RAD18: variants seen among roughly 807,000 people sequenced by gnomAD.
RAD18 encodes the protein RAD18 E3 ubiquitin protein ligase.
In RAD18, 47 loss-of-function variants were observed where a neutral mutation model predicts 60.4. The observed-to-expected ratio is 0.78, with a 90% CI of 0.62 to 0.99. The LOEUF (loss-of-function observed/expected upper bound fraction) is 0.99, where lower values mean the gene tolerates loss of function less well. Among genes scored for constraint, RAD18 ranks in the 50% least tolerant of loss-of-function variants. The probability of loss-of-function intolerance (pLI) is 0.00; values close to 1 mark genes in which losing one functional copy is unlikely to be tolerated. For synonymous variants in RAD18, 225 were observed against 195.5 expected (o/e 1.15, Z -1.26); for missense variants, 640 against 593.3 (o/e 1.08, Z -0.82).
At chr3:8,942,973 T>C (rs919534157) in intron 4 of RAD18, among the ~76,000 whole-genome samples, 2 of 152,138 alleles carry the variant, frequency 1.3e-5, no homozygotes, top group African/African-American at 4.8e-5. Flanking sequence ...GACATTCAAG[T>C]GACACCCCAC....
At position 8,958,945 on chromosome 3, in the gene RAD18, C is replaced by G. The variant is rs563176968; in HGVS notation, c.108G>C (p.Met36Ile). ...GICFEYFNIA[M>I]IIPQCSHNYC... ...AGTTATGTGAACACTGAGGTATTAT[C>G]ATTGCAATGTTGAAATACTCGAAGC... The change falls in exon 2 of 13, where the codon ATG becomes ATC. Residue 36 changes from methionine (M) to isoleucine (I), a missense_variant. Physicochemically the swap from Met to Ile is conservative, Grantham distance 10. Coordinates refer to ENST00000264926, the MANE Select transcript of RAD18 (RefSeq NM_020165.4). 1.2e-6 allele frequency: 2 copies of G among 1,613,696 alleles called. No individual in the cohort carries two copies. The highest frequency in any genetic ancestry group is 2.2e-5 in the South Asian group (2 of 91,026).
chr3:8,918,986 T>C (rs1349626552), intron 7 of RAD18, among the ~76,000 whole-genome samples: 1 of 152,130 alleles, frequency 6.6e-6, no homozygotes, highest in African/African-American at 2.4e-5. Flanking sequence ...GAAGAGAATA[T>C]CAAAGAGAAG....
intron 7 of RAD18, among the ~76,000 whole-genome samples, chr3:8,922,645 G>T (rs1695292): frequency 6.6e-6 from 1 of 151,656 alleles, no homozygotes; most frequent in Non-Finnish European, 1.5e-5. Flanking sequence ...ACCCCAAGTA[G>T]CCTAACTGGG....
At chr3:8,946,167 T>C (rs1032578235) in intron 4 of RAD18, among the ~76,000 whole-genome samples, 2 of 152,082 alleles carry the variant, frequency 1.3e-5, no homozygotes, top group African/African-American at 4.8e-5. Context: ...AGATGTACCA[T>C]TTTTTATCTT....
At chr3:8,904,184 CCTT>C (rs1939963997) in intron 9 of RAD18, among the ~76,000 whole-genome samples, 1 of 152,158 alleles carries the variant, frequency 6.6e-6, no homozygotes. Context: ...TTCTTTGGCT[CCTT>C]CTTTGATCAC....
chr3:8,959,920 A>T (rs1229352051), intron 1 of RAD18, among the ~76,000 whole-genome samples: 1 of 151,694 alleles, frequency 6.6e-6, no homozygotes, highest in Non-Finnish European at 1.5e-5. Context: ...CATCATACTG[A>T]TATGAAAAGA....
At chr3:8,947,530 A>G (rs1940857631) in intron 3 of RAD18, among the ~76,000 whole-genome samples, 1 of 152,208 alleles carries the variant, frequency 6.6e-6, no homozygotes, top group African/African-American at 2.4e-5. Context: ...ATAATCATAT[A>G]TACTCTGTAC....
intron 1 of RAD18, 40 bp downstream of exon 1, chr3:8,963,295 G>C (rs1417327109): frequency 6.4e-7 from 1 of 1,571,374 alleles, no homozygotes. Flanking sequence ...ACCTCCCCCC[G>C]CAGACACCCG....
At chr3:8,890,495 T>C in intron 11 of RAD18, 44 bp from the exon 12 acceptor site, 1 of 1,394,502 alleles carries the variant, frequency 7.2e-7, no homozygotes, top group Non-Finnish European at 1.0e-6. Flanking sequence ...ACAAGAAGAC[T>C]GTATCGTCCC....
chr3:8,962,900 G>C (rs189942631), intron 1 of RAD18, among the ~76,000 whole-genome samples: 1 of 152,242 alleles, frequency 6.6e-6, no homozygotes, highest in East Asian at 1.9e-4. Context: ...AGAAATGAAA[G>C]AGCCTGTAAA....
chr3:8,945,031 A>T (rs1401412228), intron 4 of RAD18, among the ~76,000 whole-genome samples: 1 of 152,258 alleles, frequency 6.6e-6, no homozygotes, highest in African/African-American at 2.4e-5. Flanking sequence ...TTAAAAACAC[A>T]GTATGACAAC....
intron 8 of RAD18, 79 bp from the exon 9 acceptor site, chr3:8,912,451 C>T: frequency 2.0e-6 from 2 of 977,160 alleles, no homozygotes; most frequent in Non-Finnish European, 3.0e-6. Flanking sequence ...CTTCAAATCT[C>T]AAATGTGAGT....
intron 12 of RAD18, among the ~76,000 whole-genome samples, chr3:8,885,543 C>G (rs45566339): frequency 6.6e-6 from 1 of 152,116 alleles, no homozygotes; most frequent in African/African-American, 2.4e-5. Context: ...AAATTTACAA[C>G]TTTGGAAAGG....
intron 11 of RAD18, among the ~76,000 whole-genome samples, chr3:8,897,114 A>T (rs547954817): frequency 1.4e-4 from 21 of 152,346 alleles, no homozygotes; most frequent in Non-Finnish European, 2.8e-4. Flanking sequence ...TGCAAAGGAA[A>T]TTCTTTTTTT....
intron 5 of RAD18, among the ~76,000 whole-genome samples, 159 bp from the exon 6 acceptor site, chr3:8,939,812 G>A (rs1157532647): frequency 6.6e-6 from 1 of 152,206 alleles, no homozygotes; most frequent in East Asian, 1.9e-4. Flanking sequence ...CGGGACAACA[G>A]GAGTGGGACA....
chr3:8,952,188 C>T (rs1940937776), intron 2 of RAD18, among the ~76,000 whole-genome samples: 1 of 152,180 alleles, frequency 6.6e-6, no homozygotes, highest in Non-Finnish European at 1.5e-5. Flanking sequence ...CCCATCTCAA[C>T]AGCCCCAAAA....
rs142870915 is a variant in RAD18 at position 8,884,100 on chromosome 3, C to T, written c.1386-2641G>A. Reference sequence around the variant, plus strand: ...TGTGGCTTTAAAGGGGCTCCAACCCCGCTCTGCCTTCTCTGGGGACTGTCA... The same window carrying T: ...TGTGGCTTTAAAGGGGCTCCAACCCTGCTCTGCCTTCTCTGGGGACTGTCA... On this transcript the variant is annotated intron_variant, in intron 12 of 12. Coordinates refer to ENST00000264926, the MANE Select transcript of RAD18 (RefSeq NM_020165.4). Among the ~76,000 whole-genome samples the T allele has an allele frequency of 3.3e-4, 50 of 152,304 alleles. No homozygotes were observed. In the East Asian group the frequency reaches 9.1e-3, roughly 28 times the overall value.
rs535673138 is a variant in RAD18, at chr3:8,895,541, C to G, written c.1322+3353G>C. 2.2e-4 allele frequency among the ~76,000 whole-genome samples: 34 copies of G among 152,266 alleles called. No homozygotes were observed. The South Asian group carries it at 6.6e-3, about 30-fold the overall frequency. On this transcript the variant is annotated intron_variant, in intron 11 of 12. Transcript: ENST00000264926. ...TATTTGTCTTCCTTACTGTCTACAC[C>G]ACCAAACTTTATTAACCAATTTATG...
At chr3:8,921,477 C>A (rs928661068) in intron 7 of RAD18, among the ~76,000 whole-genome samples, 2 of 152,154 alleles carry the variant, frequency 1.3e-5, no homozygotes, top group East Asian at 1.9e-4. Flanking sequence ...CACAGTGAGA[C>A]CCTGTCTCTA....
Sources: allele counts gnomAD v4.1 joint callset (sites outside exome capture counted in the v4.1 genomes callset), GRCh38; gene constraint gnomAD v4.1.1; transcripts MANE v1.5; gene names NCBI Gene and HGNC (gene_info 2026-07-23, HGNC 2026-07-21).